The following CNTN5 variants were observed in gnomAD, a reference collection of about 807,000 sequenced individuals.
CNTN5 encodes contactin-5.
In CNTN5, 77 loss-of-function variants were observed where a neutral mutation model predicts 129.1. The ratio of observed to expected loss-of-function variants is 0.60; its 90% CI spans 0.50 to 0.72. CNTN5 has a LOEUF of 0.72. Among genes scored for constraint, CNTN5 ranks in the 30% least tolerant of loss-of-function variants. The probability of loss-of-function intolerance (pLI) is 0.00; values close to 1 mark genes in which losing one functional copy is unlikely to be tolerated. For missense variants in CNTN5, 1,478 were observed against 1,328.8 expected (o/e 1.11, Z -1.75); for synonymous variants, 509 against 465.6 (o/e 1.09, Z -1.20).
At chr11:99,906,068 G>A (rs746304321) in intron 6 of CNTN5, among the ~76,000 whole-genome samples, 1 of 152,026 alleles carries the variant, frequency 6.6e-6, no homozygotes, top group Non-Finnish European at 1.5e-5. Context: ...ATATACAGTC[G>A]TGTCTCCTGC....
intron 13 of CNTN5, among the ~76,000 whole-genome samples, chr11:100,179,530 A>G (rs1405061770): frequency 6.6e-6 from 1 of 152,152 alleles, no homozygotes; most frequent in African/African-American, 2.4e-5. Context: ...TAGCCAAATA[A>G]TGAAAATTTT....
intron 4 of CNTN5, among the ~76,000 whole-genome samples, chr11:99,841,845 C>G (rs903275402): frequency 6.9e-6 from 1 of 144,056 alleles, no homozygotes; most frequent in Non-Finnish European, 1.5e-5. Flanking sequence ...TACACACACA[C>G]ACACACATAT....
At chr11:99,100,089 T>A (rs578139754) in intron 1 of CNTN5, among the ~76,000 whole-genome samples, 2 of 152,186 alleles carry the variant, frequency 1.3e-5, no homozygotes, top group Admixed American at 6.5e-5. Context: ...GGGAAAAAAA[T>A]TTTATAAAGT....
intron 3 of CNTN5, among the ~76,000 whole-genome samples, chr11:99,657,786 CAGG>C (rs1451207185): frequency 4.0e-5 from 6 of 151,876 alleles, no homozygotes; most frequent in African/African-American, 9.7e-5. Flanking sequence ...ACACATTGAG[CAGG>C]AGAACATAAA....
Position 99,844,906 on chromosome 11 carries a change from C to A in CNTN5, c.332C>A (p.Pro111Gln), listed in dbSNP as rs2135696496. 3 of 1,613,648 alleles carry A rather than the reference C, an allele frequency of 1.9e-6. No individual in the cohort carries two copies. The highest frequency in any genetic ancestry group is 2.5e-6 in the Non-Finnish European group (3 of 1,179,702). The change falls in exon 5 of 25, where the codon CCA becomes CAA. Residue 111 changes from proline to glutamine, a missense_variant. Pro to Gln is a moderately conservative substitution (Grantham distance 76). Transcript: ENST00000524871. ...FVQEPDDIIF[P>Q]TDSDEKKVAL... is the part of the protein sequence containing the mutation. ...CAAGAACCAGATGATATTATTTTTC[C>A]AACTGATTCTGATGAAAAGAAGGTA...
intron 1 of CNTN5, among the ~76,000 whole-genome samples, chr11:99,157,649 ATAAT>A (rs973106003): frequency 2.6e-5 from 4 of 152,188 alleles, no homozygotes; most frequent in African/African-American, 9.6e-5. Flanking sequence ...CTCCTTTAAA[ATAAT>A]TAAAGCAAAA....
Position 100,191,232 on chromosome 11 carries a change from A to T in CNTN5, c.1687A>T (p.Ile563Leu), listed in dbSNP as rs1948479243. 3.1e-6 allele frequency: 5 copies of T among 1,612,540 alleles called. No individual in the cohort carries two copies. Among genetic ancestry groups the T allele is most frequent in the Admixed American group, 1.7e-5 (1 of 59,872 alleles). The change falls in exon 14 of 25, where the codon ATA becomes TTA. Residue 563 changes from isoleucine (I) to leucine (L), a missense_variant. Ile to Leu is a conservative substitution (Grantham distance 5). Transcript: ENST00000524871. ...AAACGTCTTTGGTTCTGCTGAAATTATAGCTTCGCTATCTGTAAAAGGTAA... is the reference window on the plus strand; with the variant it reads ...AAACGTCTTTGGTTCTGCTGAAATTTTAGCTTCGCTATCTGTAAAAGGTAA... ...GENVFGSAEI[I>L]ASLSVKEPTR...
intron 13 of CNTN5, among the ~76,000 whole-genome samples, chr11:100,186,539 T>A (rs549826812): frequency 2.0e-5 from 3 of 152,186 alleles, no homozygotes; most frequent in African/African-American, 7.2e-5. Flanking sequence ...AAGCAGAGAC[T>A]GAGTAACTAG....
intron 1 of CNTN5, among the ~76,000 whole-genome samples, chr11:99,059,325 A>G (rs1864773764): frequency 6.6e-6 from 1 of 152,076 alleles, no homozygotes; most frequent in Admixed American, 6.6e-5. Flanking sequence ...TTTTACAAAA[A>G]GCCTGAACCA....
chr11:99,903,342 A>G (rs1949408863), intron 6 of CNTN5, among the ~76,000 whole-genome samples: 1 of 151,920 alleles, frequency 6.6e-6, no homozygotes, highest in South Asian at 2.1e-4. Flanking sequence ...TCATGGTTAT[A>G]CCATAACCAA....
chr11:99,673,869 T>C (rs1056211665), intron 3 of CNTN5, among the ~76,000 whole-genome samples: 3 of 152,216 alleles, frequency 2.0e-5, no homozygotes, highest in Non-Finnish European at 4.4e-5. Context: ...GCATTTAGGT[T>C]GATTCCCTGT....
At chr11:99,547,447 G>A (rs1457790284) in intron 2 of CNTN5, among the ~76,000 whole-genome samples, 1 of 152,190 alleles carries the variant, frequency 6.6e-6, no homozygotes, top group Non-Finnish European at 1.5e-5. Flanking sequence ...AGGAAATGTA[G>A]AAAGTTGCCT....
At chr11:99,506,812 T>G (rs1946640046) in intron 2 of CNTN5, among the ~76,000 whole-genome samples, 1 of 152,222 alleles carries the variant, frequency 6.6e-6, no homozygotes, top group Non-Finnish European at 1.5e-5. Flanking sequence ...GTCACTACAT[T>G]ATTTGTTATA....
At chr11:100,031,710 G>C (rs1941716083) in intron 9 of CNTN5, among the ~76,000 whole-genome samples, 1 of 152,104 alleles carries the variant, frequency 6.6e-6, no homozygotes, top group Admixed American at 6.5e-5. Context: ...CTGTTTTAAG[G>C]CTCTGTTAGA....
chr11:99,948,386 G>T (rs1950600232), intron 7 of CNTN5, among the ~76,000 whole-genome samples: 1 of 152,176 alleles, frequency 6.6e-6, no homozygotes, highest in Non-Finnish European at 1.5e-5. Flanking sequence ...GTTAAGACTT[G>T]CATGGCATTG....
intron 6 of CNTN5, among the ~76,000 whole-genome samples, chr11:99,870,397 A>G (rs1044554453): frequency 6.6e-6 from 1 of 152,128 alleles, no homozygotes; most frequent in Non-Finnish European, 1.5e-5. Context: ...AATATAATAT[A>G]AATAATAGCA....
chr11:99,657,957 G>A (rs1952441378), intron 3 of CNTN5, among the ~76,000 whole-genome samples: 1 of 152,016 alleles, frequency 6.6e-6, no homozygotes, highest in African/African-American at 2.4e-5. Context: ...TGGATACTAT[G>A]TTTGTAAATG....
intron 8 of CNTN5, among the ~76,000 whole-genome samples, chr11:99,983,284 G>T (rs564166846): frequency 3.3e-5 from 5 of 152,140 alleles, no homozygotes; most frequent in African/African-American, 1.2e-4. Context: ...AAAATTACAG[G>T]GAAAGGCAAA....
At chr11:99,432,534 T>C (rs1288003311) in intron 2 of CNTN5, among the ~76,000 whole-genome samples, 1 of 150,430 alleles carries the variant, frequency 6.6e-6, no homozygotes, top group Non-Finnish European at 1.5e-5. Context: ...GTTTCTTTTT[T>C]AGGGGCGAAT....
Sources: allele counts gnomAD v4.1 joint callset (sites outside exome capture counted in the v4.1 genomes callset), GRCh38; gene constraint gnomAD v4.1.1; transcripts MANE v1.5; gene names NCBI Gene and HGNC (gene_info 2026-07-23, HGNC 2026-07-21).